TRIM44: variants seen among roughly 807,000 people sequenced by gnomAD.
TRIM44 encodes tripartite motif containing 44.
A neutral mutation model predicts 37.4 loss-of-function variants in TRIM44; 13 were observed. That is an observed-to-expected ratio of 0.35 (90% confidence interval 0.23 to 0.55). The LOEUF is 0.55. Ranked by LOEUF, TRIM44 falls within the 20% of genes least tolerant of loss-of-function variation. TRIM44 has a pLI of 0.89. For synonymous variants in TRIM44, 175 were observed against 157.2 expected, an observed-to-expected ratio of 1.11 and a Z score of -0.85; for missense variants, 426 against 437.2, an observed-to-expected ratio of 0.97 and a Z score of 0.23.
intron 4 of TRIM44, among the ~76,000 whole-genome samples, chr11:35,775,641 C>T (rs1852946474): frequency 6.6e-6 from 1 of 152,248 alleles, no homozygotes; most frequent in Admixed American, 6.5e-5. Flanking sequence ...TGAGATACAT[C>T]CCATCAGTAC....
intron 2 of TRIM44, among the ~76,000 whole-genome samples, chr11:35,703,515 T>G (rs564514347): frequency 8.6e-5 from 13 of 151,854 alleles, no homozygotes; most frequent in Non-Finnish European, 1.6e-4. Context: ...CACCCCCCAG[T>G]AGGGGTAGAC....
At chr11:35,708,091 GCAAAGGA>G in intron 2 of TRIM44, among the ~76,000 whole-genome samples, 1 of 147,160 alleles carries the variant, frequency 6.8e-6, no homozygotes. Flanking sequence ...CAAAAAGTGG[GCAAAGGA>G]TATGAACAGA....
intron 4 of TRIM44, among the ~76,000 whole-genome samples, chr11:35,766,500 G>C (rs190895470): frequency 2.6e-5 from 4 of 152,304 alleles, no homozygotes; most frequent in African/African-American, 9.6e-5. Context: ...TTTTCTTAAC[G>C]AAAGTTTTTC....
At chr11:35,742,559 AT>A (rs1226998862) in intron 4 of TRIM44, among the ~76,000 whole-genome samples, 1 of 132,494 alleles carries the variant, frequency 7.5e-6, no homozygotes, top group African/African-American at 2.9e-5. Context: ...TATTAATTGT[AT>A]TATATATAAT....
Position 35,759,259 on chromosome 11 carries a change from A to G in TRIM44, c.1007+23814A>G, listed in dbSNP as rs547449413. On this transcript the variant is annotated intron_variant, in intron 4 of 4. Coordinates refer to ENST00000299413, the MANE Select transcript of TRIM44 (RefSeq NM_017583.6). ...CTTCATTTCATTCATTTGATCTTCC[A>G]TCACTGATACCCTTTCTACCAGTTG... Among the ~76,000 whole-genome samples, 5 of 152,206 alleles carry G rather than the reference A, an allele frequency of 3.3e-5. No individual in the cohort carries two copies. In the East Asian group the frequency reaches 9.7e-4, roughly 29 times the overall value.
intron 4 of TRIM44, among the ~76,000 whole-genome samples, chr11:35,771,877 C>A (rs1195326730): frequency 6.6e-6 from 1 of 152,108 alleles, no homozygotes; most frequent in Non-Finnish European, 1.5e-5. Flanking sequence ...ATAAGGGGAG[C>A]CGAATGTTAA....
chr11:35,731,667 TA>T (rs1852261876), intron 3 of TRIM44, among the ~76,000 whole-genome samples: 12 of 152,190 alleles, frequency 7.9e-5, no homozygotes. Flanking sequence ...AAACTCTTTA[TA>T]AAGCTAAGTA....
intron 4 of TRIM44, among the ~76,000 whole-genome samples, chr11:35,741,217 G>T (rs972001271): frequency 6.6e-6 from 1 of 152,096 alleles, no homozygotes; most frequent in Non-Finnish European, 1.5e-5. Flanking sequence ...AGCATACAGA[G>T]TCTCTTAATT....
At chr11:35,687,424 C>T (rs1449878766) in intron 2 of TRIM44, among the ~76,000 whole-genome samples, 2 of 152,120 alleles carry the variant, frequency 1.3e-5, no homozygotes, top group African/African-American at 4.8e-5. Flanking sequence ...AGTAGGAGGA[C>T]CCCTGATAAA....
chr11:35,810,148 C>A lies in TRIM44; in HGVS notation c.*3763C>A, dbSNP rs1853510951. Reference sequence around the variant, plus strand: ...TAAGATGGGAAACTTGGATGCCCAGCCATTTTGGTGACCTGAGAGTCTAAC... The same window carrying A: ...TAAGATGGGAAACTTGGATGCCCAGACATTTTGGTGACCTGAGAGTCTAAC... On this transcript the variant is annotated 3_prime_UTR_variant, in exon 5 of 5. Coordinates refer to ENST00000299413, the MANE Select transcript of TRIM44 (RefSeq NM_017583.6). The A allele has an allele frequency of 1.3e-5, 2 of 152,102 alleles. No individual in the cohort carries two copies. The highest frequency in any genetic ancestry group is 1.3e-4 in the Admixed American group (2 of 15,270). The allele number at this position is 152,102 out of a possible 1,614,324, so 9.4% of individuals were successfully genotyped here. A position where few individuals can be genotyped will look rare whatever the true frequency, so the allele number is the denominator to read the frequency against.
At chr11:35,736,139 T>G (rs569241754) in intron 4 of TRIM44, among the ~76,000 whole-genome samples, 1 of 152,156 alleles carries the variant, frequency 6.6e-6, no homozygotes, top group Non-Finnish European at 1.5e-5. Context: ...TAAAAGGCAA[T>G]GTCCAGATGG....
At chr11:35,742,152 A>C (rs1852404899) in intron 4 of TRIM44, among the ~76,000 whole-genome samples, 1 of 151,752 alleles carries the variant, frequency 6.6e-6, no homozygotes, top group Non-Finnish European at 1.5e-5. Context: ...TTTGTTCCCC[A>C]AGCTGGTTTT....
intron 2 of TRIM44, among the ~76,000 whole-genome samples, chr11:35,712,774 C>T (rs1287150159): frequency 6.6e-6 from 1 of 152,086 alleles, no homozygotes; most frequent in Non-Finnish European, 1.5e-5. Flanking sequence ...ATAGCAGCCA[C>T]GCTTCAGGTT....
At position 35,814,447 on chromosome 11, in the gene TRIM44, C is replaced by T. The variant is rs1853558161; in HGVS notation, c.*8062C>T. The T allele has an allele frequency of 6.6e-6, 1 of 152,186 alleles. No individual in the cohort carries two copies. The highest frequency in any genetic ancestry group is 1.5e-5 in the Non-Finnish European group (1 of 68,032). 9.4% of individuals were successfully genotyped at this position (152,186 alleles called of 1,614,324 possible). A position where few individuals can be genotyped will look rare whatever the true frequency, so the allele number is the denominator to read the frequency against. On this transcript the variant is annotated 3_prime_UTR_variant, in exon 5 of 5. Coordinates refer to ENST00000299413, the MANE Select transcript of TRIM44 (RefSeq NM_017583.6). ...ATCTAATAATGGTGTAATGCCAATA[C>T]TAAGCCCTGGAACGAAGATAGGATT...
At chr11:35,732,395 TAG>T (rs1264064863) in intron 3 of TRIM44, among the ~76,000 whole-genome samples, 2 of 152,206 alleles carry the variant, frequency 1.3e-5, no homozygotes, top group Non-Finnish European at 2.9e-5. Flanking sequence ...TGGTATTTAA[TAG>T]ACTCTCACTT....
intron 2 of TRIM44, among the ~76,000 whole-genome samples, chr11:35,693,276 A>G (rs1043931219): frequency 1.3e-5 from 2 of 152,132 alleles, no homozygotes; most frequent in African/African-American, 4.8e-5. Flanking sequence ...CTCAGGCCAT[A>G]TTTAGTTTGC....
At chr11:35,736,382 T>C (rs1382299806) in intron 4 of TRIM44, among the ~76,000 whole-genome samples, 3 of 152,204 alleles carry the variant, frequency 2.0e-5, no homozygotes, top group Non-Finnish European at 4.4e-5. Flanking sequence ...TGCAGTGACC[T>C]AGGGTTCCTC....
chr11:35,770,660 T>A (rs1852855993), intron 4 of TRIM44, among the ~76,000 whole-genome samples: 1 of 152,204 alleles, frequency 6.6e-6, no homozygotes, highest in Admixed American at 6.5e-5. Flanking sequence ...TTGAACATTT[T>A]TCCATATGTT....
At chr11:35,692,658 C>G (rs1851650640) in intron 2 of TRIM44, among the ~76,000 whole-genome samples, 1 of 152,174 alleles carries the variant, frequency 6.6e-6, no homozygotes, top group South Asian at 2.1e-4. Context: ...GGTGCGGTGG[C>G]TCACGCCTGT....
Sources: gnomAD v4.1 joint callset for allele counts (sites outside exome capture counted in the v4.1 genomes callset) on GRCh38, gnomAD v4.1.1 for gene constraint, MANE v1.5 for transcripts, NCBI Gene and HGNC (gene_info 2026-07-23, HGNC 2026-07-21) for gene names.